Variants in QRICH1 observed in about 807,000 individuals in gnomAD.
The protein encoded by QRICH1 is glutamine rich 1, also known as transcriptional regulator QRICH1.
In QRICH1, 16 loss-of-function variants were observed where a neutral mutation model predicts 87.1. That is an observed-to-expected ratio of 0.18 (90% CI 0.12 to 0.28). QRICH1 has a LOEUF of 0.28. Ranked by LOEUF, QRICH1 falls within the 10% of genes least tolerant of loss-of-function variation. QRICH1 has a pLI of 1.00. For synonymous variants in QRICH1, 367 were observed against 368.4 expected (o/e 1.00, Z 0.05); for missense variants, 647 against 951.7 (o/e 0.68, Z 4.21).
chr3:49,090,006 C>G (rs2042243775), intron 1 of QRICH1, among the ~76,000 whole-genome samples: 1 of 152,158 alleles, frequency 6.6e-6, no homozygotes, highest in South Asian at 2.1e-4. Flanking sequence ...ATAAATATTT[C>G]ACAAATTTTA....
At chr3:49,043,092 CAT>C (rs939580284) in intron 6 of QRICH1, among the ~76,000 whole-genome samples, 11 of 152,070 alleles carry the variant, frequency 7.2e-5, no homozygotes, top group African/African-American at 1.9e-4. Context: ...ACTAACGCAA[CAT>C]GTTATTGATA....
intron 2 of QRICH1, among the ~76,000 whole-genome samples, chr3:49,073,722 C>T (rs887972872): frequency 2.0e-5 from 3 of 151,738 alleles, no homozygotes; most frequent in African/African-American, 7.3e-5. Context: ...TCTCAGCTCA[C>T]TGTAACCTCC....
At chr3:49,037,058 G>A (rs577983047) in intron 6 of QRICH1, among the ~76,000 whole-genome samples, 55 of 118,324 alleles carry the variant, frequency 4.6e-4, no homozygotes, top group East Asian at 7.6e-4. Context: ...GTGATAAATC[G>A]AGACCCCCGT....
chr3:49,083,589 TAAA>T (rs1379980477), intron 1 of QRICH1: 4 of 151,728 alleles, frequency 2.6e-5, no homozygotes, highest in African/African-American at 4.8e-5. Flanking sequence ...AAAAATTCCA[TAAA>T]ACCATTAGAA....
In QRICH1 at chr3:49,053,154, G is replaced by T. The variant is rs895757912; in HGVS notation, c.1338+3708C>A. Among the ~76,000 whole-genome samples, 4 of 152,022 alleles carry T rather than the reference G, an allele frequency of 2.6e-5. No homozygotes were observed. In the South Asian group the frequency reaches 8.3e-4, roughly 32 times the overall value. The stretch of plus-strand genomic sequence containing the variant: ...CCTGGGAATAAAGAAGATTCAGATG[G>T]GTAGGAGGAAAATCAGGAATGTGTA... On this transcript the variant is annotated intron_variant, in intron 3 of 9. Transcript: ENST00000395443.
chr3:49,090,010 A>T (rs2042243812), intron 1 of QRICH1, among the ~76,000 whole-genome samples: 1 of 152,206 alleles, frequency 6.6e-6, no homozygotes, highest in Non-Finnish European at 1.5e-5. Flanking sequence ...ATATTTCACA[A>T]ATTTTAAAAC....
At chr3:49,065,405 C>A (rs2093461962) in intron 2 of QRICH1, among the ~76,000 whole-genome samples, 1 of 152,184 alleles carries the variant, frequency 6.6e-6, no homozygotes, top group African/African-American at 2.4e-5. Context: ...CTCGGCATCC[C>A]AAAGTGTTAG....
intron 1 of QRICH1, among the ~76,000 whole-genome samples, chr3:49,092,685 T>C (rs957699940): frequency 3.6e-4 from 54 of 151,970 alleles, no homozygotes; most frequent in Non-Finnish European, 5.6e-4. Flanking sequence ...GGTGCCTATT[T>C]CTCTAGAACA....
rs375112254 is a variant in QRICH1, at chr3:49,090,585, G to A, written c.-22+3327C>T. Among the ~76,000 whole-genome samples the A allele has an allele frequency of 2.7e-5, 4 of 146,548 alleles. No individual in the cohort carries two copies. The East Asian group carries it at 8.1e-4, about 30-fold the overall frequency. On this transcript the variant is annotated intron_variant, in intron 1 of 9. Transcript: ENST00000395443. ...GGAGGTTGCAGTGAGCCGAAATCGT[G>A]CTACTGCACTCCAGCCTGGGCGACA...
chr3:49,032,239 A>G lies in QRICH1; in HGVS notation c.2082T>C (p.Asn694=), dbSNP rs760379010. The G allele has an allele frequency of 6.2e-7, 1 of 1,613,996 alleles. No individual in the cohort carries two copies. The highest frequency in any genetic ancestry group is 2.2e-5 in the East Asian group (1 of 44,882). The part of the protein sequence containing the change: ...TDDMYAEQTE[N]PENPLRCPIK... ...TGGGACATCTCAATGGATTCTCTGG[A>G]TTTTCCGTCTGTTCTGCATACATGT... Residue 694 remains asparagine (N), a synonymous_variant, in exon 9 of 10, where the codon AAT becomes AAC. Coordinates refer to ENST00000395443, the MANE Select transcript of QRICH1 (RefSeq NM_198880.3).
intron 2 of QRICH1, among the ~76,000 whole-genome samples, chr3:49,073,632 T>C (rs2041890469): frequency 6.6e-6 from 1 of 152,100 alleles, no homozygotes; most frequent in Non-Finnish European, 1.5e-5. Flanking sequence ...CATTATTTTT[T>C]TGTGCCTTAC....
chr3:49,044,222 G>A (rs2093327009), intron 6 of QRICH1, among the ~76,000 whole-genome samples, 168 bp downstream of exon 6: 1 of 152,170 alleles, frequency 6.6e-6, no homozygotes, highest in African/African-American at 2.4e-5. Flanking sequence ...CTTCTCTGGT[G>A]AGCAGTGCCT....
intron 2 of QRICH1, among the ~76,000 whole-genome samples, chr3:49,064,358 C>T (rs1436279750): frequency 6.6e-6 from 1 of 150,766 alleles, no homozygotes; most frequent in Non-Finnish European, 1.5e-5. Flanking sequence ...CTCTTAACCT[C>T]TGCCTCCCGA....
intron 6 of QRICH1, among the ~76,000 whole-genome samples, chr3:49,037,076 A>AAAG (rs1246948601): frequency 2.0e-5 from 3 of 148,978 alleles, no homozygotes; most frequent in Non-Finnish European, 3.0e-5. Flanking sequence ...CGTCTCTTAA[A>AAAG]AAAAAAAAAA....
intron 1 of QRICH1, among the ~76,000 whole-genome samples, chr3:49,078,694 C>CT (rs57367580): frequency 0.019 from 1,508 of 78,892 alleles, 65 homozygotes; most frequent in East Asian, 0.076. Flanking sequence ...CACACCTGTC[C>CT]TTTTTTTTTT....
At chr3:49,082,193 T>C (rs1281923552) in intron 1 of QRICH1, among the ~76,000 whole-genome samples, 1 of 152,096 alleles carries the variant, frequency 6.6e-6, no homozygotes, top group African/African-American at 2.4e-5. Context: ...CTGCCCAACC[T>C]CCCAAAGTGC....
intron 2 of QRICH1, among the ~76,000 whole-genome samples, chr3:49,059,885 CT>C (rs560174243): frequency 3.1e-3 from 438 of 139,600 alleles, no homozygotes; most frequent in Non-Finnish European, 4.4e-3. Flanking sequence ...ATCCAGCTAA[CT>C]TTTTTTTTTT....
At position 49,055,470 on chromosome 3, in the gene QRICH1, C is replaced by A. The variant is rs531803525; in HGVS notation, c.1338+1392G>T. On this transcript the variant is annotated intron_variant, in intron 3 of 9. Transcript: ENST00000395443. ...ATCATAGTAGCCTCAACCTCCCAGG[C>A]TCATGCAACCCTCGCATCTACGCTG... Among the ~76,000 whole-genome samples the A allele has an allele frequency of 2.0e-5, 3 of 152,306 alleles. No homozygotes were observed. In the South Asian group the frequency reaches 6.2e-4, roughly 32 times the overall value.
At chr3:49,089,560 T>A (rs1360373513) in intron 1 of QRICH1, among the ~76,000 whole-genome samples, 1 of 152,138 alleles carries the variant, frequency 6.6e-6, no homozygotes, top group East Asian at 1.9e-4. Flanking sequence ...CACAGCAGCA[T>A]TGTTAAGAGC....
Sources: gnomAD v4.1 joint callset for allele counts (sites outside exome capture counted in the v4.1 genomes callset) on GRCh38, gnomAD v4.1.1 for gene constraint, MANE v1.5 for transcripts, NCBI Gene and HGNC (gene_info 2026-07-23, HGNC 2026-07-21) for gene names.